TAF3: variants seen among roughly 807,000 people sequenced by gnomAD.
TAF3 encodes the protein TATA-box binding protein associated factor 3.
TAF3 carries 7 observed loss-of-function variants against 80.6 expected under a neutral mutation model. The ratio of observed to expected loss-of-function variants is 0.09; its 90% CI spans 0.05 to 0.16. TAF3 has a LOEUF of 0.16. TAF3 is among the 10% of genes least tolerant of loss of function. TAF3 has a pLI of 1.00. For synonymous variants in TAF3, 444 were observed against 446.1 expected, an observed-to-expected ratio of 1.00 and a Z score of 0.06; for missense variants, 921 against 1,140.2, an observed-to-expected ratio of 0.81 and a Z score of 2.77.
chr10:7,927,264 G>A (rs1837824962), intron 2 of TAF3, among the ~76,000 whole-genome samples: 1 of 152,146 alleles, frequency 6.6e-6, no homozygotes, highest in South Asian at 2.1e-4. Context: ...GTCCATGGTG[G>A]CCATGTAATT....
Position 7,996,691 on chromosome 10 carries a change from T to C in TAF3, c.2316-12387T>C, listed in dbSNP as rs190635249. The stretch of plus-strand genomic sequence containing the variant: ...TTCTTACGTTGAGGCAGGGTCTCAC[T>C]CTGGGATTTTTTTTGAGACAGGGTC... On this transcript the variant is annotated intron_variant, in intron 4 of 6. Transcript: ENST00000344293. Among the ~76,000 whole-genome samples the C allele has an allele frequency of 3.7e-3, 566 of 151,988 alleles. 2 individuals are homozygous for C. The highest frequency in any genetic ancestry group is 0.012 in the African/African-American group (503 of 41,448).
At chr10:8,010,055 A>G (rs1832039760) in intron 5 of TAF3, among the ~76,000 whole-genome samples, 1 of 151,976 alleles carries the variant, frequency 6.6e-6, no homozygotes, top group Non-Finnish European at 1.5e-5. Context: ...ACAGGCAGTC[A>G]CCACCACTCT....
At chr10:7,981,429 T>C (rs79275751) in intron 4 of TAF3, among the ~76,000 whole-genome samples, 174 of 152,310 alleles carry the variant, frequency 1.1e-3, no homozygotes, top group African/African-American at 4.1e-3. Context: ...TCATGCATGG[T>C]CATGTTTTCT....
At chr10:7,819,020 G>A (rs1173487683) in intron 1 of TAF3, 145 bp downstream of exon 1, 10 of 808,108 alleles carry the variant, frequency 1.2e-5, no homozygotes, top group Non-Finnish European at 1.7e-5. Flanking sequence ...ACGTCCCTGG[G>A]CTTCCACTGC....
At chr10:7,967,134 A>G (rs1438651894) in intron 3 of TAF3, among the ~76,000 whole-genome samples, 2 of 152,230 alleles carry the variant, frequency 1.3e-5, no homozygotes, top group Non-Finnish European at 2.9e-5. Flanking sequence ...GATCAGGATG[A>G]CACAGCTAGC....
chr10:7,995,791 G>A lies in TAF3; in HGVS notation c.2316-13287G>A, dbSNP rs529410387. 9.9e-5 allele frequency among the ~76,000 whole-genome samples: 15 copies of A among 152,268 alleles called. 1 individual carries two copies. In the South Asian group the frequency reaches 2.9e-3, roughly 29 times the overall value. On this transcript the variant is annotated intron_variant, in intron 4 of 6. Coordinates refer to ENST00000344293, the MANE Select transcript of TAF3 (RefSeq NM_031923.4). ...TTAAAGAGGCAGGCCACGAGCTTCA[G>A]GAATTAAATCCATTTATAGTTGTGT... is the stretch of plus-strand genomic sequence containing the variant.
intron 2 of TAF3, among the ~76,000 whole-genome samples, chr10:7,905,678 G>A (rs557540567): frequency 1.8e-4 from 27 of 152,172 alleles, no homozygotes; most frequent in East Asian, 5.8e-4. Flanking sequence ...TCAGGAGTTC[G>A]AGACCAGCCT....
chr10:7,994,448 A>AC (rs1332080877), intron 4 of TAF3, among the ~76,000 whole-genome samples: 2 of 152,150 alleles, frequency 1.3e-5, no homozygotes, highest in Non-Finnish European at 2.9e-5. Flanking sequence ...TTGAAAAGAA[A>AC]AGAAAAAAAA....
intron 2 of TAF3, among the ~76,000 whole-genome samples, chr10:7,880,267 C>G (rs957676182): frequency 1.3e-5 from 2 of 152,124 alleles, no homozygotes; most frequent in South Asian, 4.1e-4. Context: ...ACTCAAGTAA[C>G]TTACTCCTTA....
In TAF3 at chr10:8,009,209, C is replaced by A; in HGVS notation, c.2447C>A (p.Pro816Gln). ...GTCAGCCCTGCGCCCGTGCCGCTGC[C>A]GCTGCTCGCCCAGGCCGCCGCGGGC... ...MLVSPAPVPL[P>Q]LLAQAAAGPA... The change falls in exon 5 of 7, where the codon CCG becomes CAG. Residue 816 changes from proline to glutamine, a missense_variant. This residue lies in a region of TAF3 where 743 missense variants were observed against 821.0 expected (regional missense o/e 0.90). Transcript: ENST00000344293. This position sits in a 1 kb window ranked among gnomAD's most constrained non-coding sequence, Gnocchi z 4.1. The A allele has an allele frequency of 6.9e-7, 1 of 1,448,992 alleles. No homozygotes were observed. The highest frequency in any genetic ancestry group is 9.1e-7 in the Non-Finnish European group (1 of 1,101,512). The allele number at this position is 1,448,992 out of a possible 1,614,324, so 89.8% of individuals were successfully genotyped here.
chr10:7,852,702 G>A (rs1360274570), intron 2 of TAF3, among the ~76,000 whole-genome samples: 1 of 152,130 alleles, frequency 6.6e-6, no homozygotes, highest in Non-Finnish European at 1.5e-5. Context: ...TGTGATTTTA[G>A]CAAACATTGA....
At chr10:7,941,357 G>C (rs577664920) in intron 2 of TAF3, among the ~76,000 whole-genome samples, 1 of 152,220 alleles carries the variant, frequency 6.6e-6, no homozygotes, top group African/African-American at 2.4e-5. Flanking sequence ...CAAGAAAGAG[G>C]AAAAGTGATC....
chr10:7,947,993 A>G (rs544343305), intron 2 of TAF3, among the ~76,000 whole-genome samples: 1 of 137,396 alleles, frequency 7.3e-6, no homozygotes, highest in Non-Finnish European at 1.6e-5. Context: ...ACTTCCTGAC[A>G]TACCTTTTAT....
chr10:7,925,287 T>G (rs531114317), intron 2 of TAF3, among the ~76,000 whole-genome samples: 75 of 152,234 alleles, frequency 4.9e-4, no homozygotes, highest in Non-Finnish European at 5.6e-4. Flanking sequence ...GTGTGGACCC[T>G]CTGGCAGGTC....
chr10:7,919,085 T>G (rs1837739507), intron 2 of TAF3, among the ~76,000 whole-genome samples: 1 of 152,092 alleles, frequency 6.6e-6, no homozygotes, highest in African/African-American at 2.4e-5. Context: ...AATGACAGAT[T>G]GTGCATTTCA....
At chr10:7,888,717 T>C (rs1380285660) in intron 2 of TAF3, among the ~76,000 whole-genome samples, 2 of 152,238 alleles carry the variant, frequency 1.3e-5, no homozygotes, top group Non-Finnish European at 2.9e-5. Context: ...CTAATTATAA[T>C]GCAAGACAGT....
intron 2 of TAF3, among the ~76,000 whole-genome samples, chr10:7,935,502 T>C (rs1244904120): frequency 6.6e-6 from 1 of 151,832 alleles, no homozygotes; most frequent in African/African-American, 2.4e-5. Context: ...GAGAATGGCG[T>C]GAACCCGGGA....
chr10:7,852,593 A>G (rs539336388), intron 2 of TAF3, among the ~76,000 whole-genome samples: 1 of 152,318 alleles, frequency 6.6e-6, no homozygotes, highest in Non-Finnish European at 1.5e-5. Flanking sequence ...ATGAAATGTC[A>G]TGTTCAATTG....
intron 4 of TAF3, among the ~76,000 whole-genome samples, chr10:7,998,254 T>C (rs1831908363): frequency 1.9e-5 from 2 of 106,074 alleles, no homozygotes. Flanking sequence ...TATATATATA[T>C]ATATATATAT....
Sources: allele counts gnomAD v4.1 joint callset (sites outside exome capture counted in the v4.1 genomes callset), GRCh38; gene constraint gnomAD v4.1.1; regional missense constraint gnomAD v4.1.1; non-coding constraint Gnocchi (gnomAD v3.1); transcripts MANE v1.5; gene names NCBI Gene and HGNC (gene_info 2026-07-23, HGNC 2026-07-21).